The following MREG variants were observed in gnomAD, a reference collection of about 807,000 sequenced individuals.
MREG encodes the protein dilute suppressor protein homolog.
MREG carries 31 observed loss-of-function variants against 28.5 expected under a neutral mutation model. The observed-to-expected ratio is 1.09, with a 90% CI of 0.82 to 1.47. The LOEUF is 1.47. Ranked by LOEUF, MREG falls within the 40% of genes most tolerant of loss-of-function variation. The probability of loss-of-function intolerance (pLI) is 0.00; values close to 1 mark genes in which losing one functional copy is unlikely to be tolerated. For synonymous variants in MREG, 106 were observed against 95.2 expected (o/e 1.11, Z -0.66); for missense variants, 256 against 257.4 (o/e 0.99, Z 0.04).
In MREG at chr2:215,945,631, A is replaced by G; in HGVS notation, c.450T>C (p.Ala150=). The G allele has an allele frequency of 6.2e-7, 1 of 1,614,012 alleles. No homozygotes were observed. Among genetic ancestry groups the G allele is most frequent in the Non-Finnish European group, 8.5e-7 (1 of 1,179,866 alleles). ...TTGTTGGGAAAATATTGGTTTCTTC[A>G]GCCAGTTTTAACAACATCTCTCGAG... ...RKAREMLLKL[A]EETNIFPTSW... The change falls in exon 4 of 5, where the codon GCT becomes GCC. Residue 150 remains alanine (A), a synonymous_variant. Coordinates refer to ENST00000263268, the MANE Select transcript of MREG (RefSeq NM_018000.3).
At chr2:215,978,068 C>T (rs981427944) in intron 2 of MREG, among the ~76,000 whole-genome samples, 8 of 151,918 alleles carry the variant, frequency 5.3e-5, no homozygotes, top group African/African-American at 1.9e-4. Context: ...ACAAAAAAAC[C>T]CTTCAAAAAA....
intron 2 of MREG, among the ~76,000 whole-genome samples, chr2:215,971,078 T>G (rs1574612644): frequency 1.3e-5 from 2 of 151,364 alleles, no homozygotes; most frequent in African/African-American, 2.4e-5. Flanking sequence ...TAAGTGGGAG[T>G]TGAACAATGA....
chr2:215,952,286 T>C (rs1282797224), intron 2 of MREG, among the ~76,000 whole-genome samples: 2 of 152,214 alleles, frequency 1.3e-5, no homozygotes, highest in African/African-American at 4.8e-5. Context: ...TTAATAATAC[T>C]GTATTGCTTA....
chr2:215,995,784 T>A (rs987093740), intron 2 of MREG, among the ~76,000 whole-genome samples: 1 of 152,194 alleles, frequency 6.6e-6, no homozygotes, highest in African/African-American at 2.4e-5. Context: ...GATTTAGAGT[T>A]ATTGTGAGGG....
intron 2 of MREG, among the ~76,000 whole-genome samples, chr2:215,976,888 A>T (rs959419790): frequency 1.3e-5 from 2 of 152,124 alleles, no homozygotes; most frequent in Non-Finnish European, 2.9e-5. Flanking sequence ...AGCACTAAGC[A>T]TGGAAAGGAA....
At chr2:215,954,483 C>CACACAA (rs3220063) in intron 2 of MREG, among the ~76,000 whole-genome samples, 1 of 150,786 alleles carries the variant, frequency 6.6e-6, no homozygotes, top group African/African-American at 2.4e-5. Context: ...CACACACACA[C>CACACAA]AAAACAACCA....
intron 2 of MREG, among the ~76,000 whole-genome samples, chr2:215,978,578 A>C (rs986746285): frequency 1.6e-4 from 25 of 152,160 alleles, no homozygotes; most frequent in African/African-American, 5.6e-4. Flanking sequence ...CAGACACAAC[A>C]AAAAAAGAGA....
At chr2:216,031,489 GAA>G (rs1253057052) in intron 1 of MREG, among the ~76,000 whole-genome samples, 1 of 123,152 alleles carries the variant, frequency 8.1e-6, no homozygotes, top group Non-Finnish European at 1.6e-5. Context: ...AAGAAAGAAA[GAA>G]AGAGAAAGAA....
intron 2 of MREG, among the ~76,000 whole-genome samples, chr2:215,965,323 CT>C (rs560701911): frequency 2.0e-5 from 3 of 152,180 alleles, no homozygotes; most frequent in Non-Finnish European, 4.4e-5. Context: ...GGCATTGACT[CT>C]GTATTCCAGG....
intron 1 of MREG, among the ~76,000 whole-genome samples, chr2:216,009,335 C>G (rs1474983713): frequency 6.7e-6 from 1 of 149,432 alleles, no homozygotes; most frequent in African/African-American, 2.5e-5. Flanking sequence ...AGCTAAAGTA[C>G]AAAAATGCAA....
At chr2:216,010,363 T>TA (rs1458342824) in intron 1 of MREG, among the ~76,000 whole-genome samples, 1 of 137,234 alleles carries the variant, frequency 7.3e-6, no homozygotes, top group African/African-American at 2.8e-5. Context: ...TCTTTTTTTT[T>TA]TTTTTTTTTT....
intron 2 of MREG, among the ~76,000 whole-genome samples, chr2:215,978,584 A>G (rs1419048195): frequency 6.6e-6 from 1 of 152,246 alleles, no homozygotes; most frequent in Non-Finnish European, 1.5e-5. Flanking sequence ...CAACAAAAAA[A>G]GAGAATTTTA....
chr2:215,983,660 T>C (rs72950835), intron 2 of MREG, among the ~76,000 whole-genome samples: 9,515 of 152,236 alleles, frequency 0.063, 651 homozygotes, highest in African/African-American at 0.17. Context: ...CATGTAGTAA[T>C]TGTATGTATT....
upstream of MREG, among the ~76,000 whole-genome samples, chr2:216,018,480 T>C (rs1694478089): frequency 6.6e-6 from 1 of 152,206 alleles, no homozygotes; most frequent in African/African-American, 2.4e-5. Flanking sequence ...AAAAGAGCTA[T>C]TTAGTGTTGG....
At chr2:215,988,089 G>T (rs1401997775) in intron 2 of MREG, among the ~76,000 whole-genome samples, 3 of 152,116 alleles carry the variant, frequency 2.0e-5, no homozygotes, top group Non-Finnish European at 2.9e-5. Flanking sequence ...TTAGGCAAGA[G>T]GAAGAGGTTA....
intron 2 of MREG, among the ~76,000 whole-genome samples, chr2:215,988,564 G>T (rs1217665511): frequency 6.6e-6 from 1 of 152,210 alleles, no homozygotes; most frequent in Non-Finnish European, 1.5e-5. Flanking sequence ...CCCCTGGAAA[G>T]GGGCTGAAGC....
intron 2 of MREG, among the ~76,000 whole-genome samples, chr2:215,969,663 G>T (rs887569972): frequency 1.3e-5 from 2 of 152,212 alleles, no homozygotes; most frequent in African/African-American, 4.8e-5. Context: ...GAGGGAGACA[G>T]TATGTCCACC....
intron 2 of MREG, among the ~76,000 whole-genome samples, chr2:215,975,447 T>C (rs1289058971): frequency 6.6e-6 from 1 of 152,186 alleles, no homozygotes; most frequent in South Asian, 2.1e-4. Flanking sequence ...TGACTTAATT[T>C]AGTTGCAATA....
intron 2 of MREG, among the ~76,000 whole-genome samples, chr2:215,992,935 A>T (rs79766704): frequency 0.17 from 26,364 of 152,118 alleles, 2,528 homozygotes; most frequent in East Asian, 0.41. Flanking sequence ...AAACAGAAAA[A>T]CATTCCATGC....
Sources: allele counts gnomAD v4.1 joint callset (sites outside exome capture counted in the v4.1 genomes callset), GRCh38; gene constraint gnomAD v4.1.1; transcripts MANE v1.5; gene names NCBI Gene and HGNC (gene_info 2026-07-23, HGNC 2026-07-21).